SH2D5: variants seen among roughly 807,000 people sequenced by gnomAD.
SH2D5 encodes the protein SH2 domain-containing protein 5.
A neutral mutation model predicts 48.2 loss-of-function variants in SH2D5; 45 were observed. That is an observed-to-expected ratio of 0.93 (90% confidence interval 0.73 to 1.20). SH2D5 has a LOEUF of 1.20. Ranked by LOEUF, SH2D5 falls within the 50% of genes most tolerant of loss-of-function variation. SH2D5 has a pLI of 0.00. For missense variants in SH2D5, 538 were observed against 584.1 expected, an observed-to-expected ratio of 0.92 and a Z score of 0.81; for synonymous variants, 230 against 249.8, an observed-to-expected ratio of 0.92 and a Z score of 0.75.
chr1:20,727,520 C>T lies in SH2D5; in HGVS notation c.168+3G>A. On this transcript the variant is annotated splice_donor_region_variant and intron_variant, in intron 3 of 9. Transcript: ENST00000444387. ...TAGGGAAGTGCCCTCCCAGGCCACCCACCTTCAGCGCCCACAGCTGCTGCT... is the reference window on the plus strand; with the variant it reads ...TAGGGAAGTGCCCTCCCAGGCCACCTACCTTCAGCGCCCACAGCTGCTGCT... 6.3e-7 allele frequency: 1 copy of T among 1,598,768 alleles called. No homozygotes were observed. Among genetic ancestry groups the T allele is most frequent in the Non-Finnish European group, 8.5e-7 (1 of 1,173,618 alleles).
Position 20,724,112 on chromosome 1 carries a change from G to T in SH2D5, c.770C>A (p.Thr257Asn). The T allele has an allele frequency of 6.2e-7, 1 of 1,612,480 alleles. No homozygotes were observed. Among genetic ancestry groups the T allele is most frequent in the Admixed American group, 1.7e-5 (1 of 60,022 alleles). Reference sequence around the variant, plus strand: ...CTCCCGAGCCGACAGCTGCAGCTGGGTCTCATAGGTGCAGCCGCGGTAGGC... The same window carrying T: ...CTCCCGAGCCGACAGCTGCAGCTGGTTCTCATAGGTGCAGCCGCGGTAGGC... Reference protein sequence around the residue: ...SGAYRGCTYETQLQLSAREAF... With the variant: ...SGAYRGCTYENQLQLSAREAF... The change falls in exon 7 of 10, where the codon ACC becomes AAC. Residue 257 changes from threonine (T) to asparagine (N), a missense_variant. Physicochemically the swap from Thr to Asn is moderately conservative, Grantham distance 65 (BLOSUM62 0). Coordinates refer to ENST00000444387, the MANE Select transcript of SH2D5 (RefSeq NM_001103161.2).
rs2054888683 is a variant in SH2D5 at position 20,730,529 on chromosome 1, G to A, written c.-43+1652C>T. On this transcript the variant is annotated intron_variant, in intron 1 of 9. Transcript: ENST00000444387. ...GGCCCCAGCCCACCTACCATCACCTGATCCTTTCCCCATCTCCCTGGTCCT... is the reference window on the plus strand; with the variant it reads ...GGCCCCAGCCCACCTACCATCACCTAATCCTTTCCCCATCTCCCTGGTCCT... 1.3e-5 allele frequency among the ~76,000 whole-genome samples: 2 copies of A among 152,182 alleles called. 1 individual carries two copies. The highest frequency in any genetic ancestry group is 4.1e-4 in the South Asian group (2 of 4,834).
chr1:20,722,091 A>G, intron 9 of SH2D5, 96 bp from the exon 10 acceptor site: 1 of 1,211,426 alleles, frequency 8.3e-7, no homozygotes, highest in South Asian at 1.5e-5. Flanking sequence ...CATTTTGGAG[A>G]GCAGGGAACG....
intron 9 of SH2D5, among the ~76,000 whole-genome samples, chr1:20,722,479 C>T (rs924449163): frequency 6.6e-6 from 1 of 152,218 alleles, no homozygotes; most frequent in African/African-American, 2.4e-5. Flanking sequence ...CCCTTCCCCT[C>T]CAAGAGCCTT....
chr1:20,723,714 A>T lies in SH2D5; in HGVS notation c.820T>A (p.Trp274Arg), dbSNP rs1453406892. ...REAFPAAWEA[W>R]PRGPGGHSCL... ...GAGTGGCCACCAGGACCCCGGGGCCATGCCTCCCATGCGGCAGGAACTGTG... is the reference window on the plus strand; with the variant it reads ...GAGTGGCCACCAGGACCCCGGGGCCTTGCCTCCCATGCGGCAGGAACTGTG... The change falls in exon 8 of 10, where the codon TGG (tryptophan) becomes AGG (arginine). Residue 274 changes from tryptophan (W) to arginine (R), a missense_variant. By Grantham distance (101) the Trp-to-Arg change is moderately radical. Coordinates refer to ENST00000444387, the MANE Select transcript of SH2D5 (RefSeq NM_001103161.2). 1 of 1,612,882 alleles carries T rather than the reference A, an allele frequency of 6.2e-7. No individual in the cohort carries two copies.
Position 20,724,208 on chromosome 1 carries a change from AGGCGGGCAT to A in SH2D5, c.665_673del (p.His222_Arg224del). On this transcript the variant is annotated inframe_deletion, in exon 7 of 10. Coordinates refer to ENST00000444387, the MANE Select transcript of SH2D5 (RefSeq NM_001103161.2). ...CGTGGGCGAGCAGTAGGGATTCCCC[AGGCGGGCAT>A]GGCGGGCACGGCCTTCCGACTCTGG... 1 of 1,612,890 alleles carries A rather than the reference AGGCGGGCAT, an allele frequency of 6.2e-7. No homozygotes were observed.
In SH2D5 at chr1:20,724,099, C is replaced by G; in HGVS notation, c.783G>C (p.Leu261=). 6.2e-7 allele frequency: 1 copy of G among 1,611,398 alleles called. No homozygotes were observed. The highest frequency in any genetic ancestry group is 8.5e-7 in the Non-Finnish European group (1 of 1,178,800). Residue 261 remains leucine (L), a synonymous_variant, in exon 7 of 10, where the codon CTG becomes CTC. Coordinates refer to ENST00000444387, the MANE Select transcript of SH2D5 (RefSeq NM_001103161.2). ...RGCTYETQLQ[L]SAREAFPAAW... ...ACAACTCACAGGCCTCCCGAGCCGA[C>G]AGCTGCAGCTGGGTCTCATAGGTGC...
At position 20,728,196 on chromosome 1, in the gene SH2D5, C is replaced by T. The variant is rs989368249; in HGVS notation, c.-42-110G>A. The T allele has an allele frequency of 8.4e-5, 52 of 617,264 alleles. No individual in the cohort carries two copies. The highest frequency in any genetic ancestry group is 3.3e-4 in the East Asian group (12 of 36,244). 38.2% of individuals were successfully genotyped at this position (617,264 alleles called of 1,614,324 possible). A position where few individuals can be genotyped will look rare whatever the true frequency, so the allele number is the denominator to read the frequency against. On this transcript the variant is annotated intron_variant, in intron 1 of 9. Coordinates refer to ENST00000444387, the MANE Select transcript of SH2D5 (RefSeq NM_001103161.2). This position sits in a 1 kb window ranked among gnomAD's most constrained non-coding sequence, Gnocchi z 4.3. ...CTGAGCAGCTGCTATGTGTGCAGCA[C>T]GGCTGCGCAATGTCCCGGGCCCTGG...
intron 8 of SH2D5, among the ~76,000 whole-genome samples, chr1:20,723,335 T>C (rs2054726437): frequency 6.6e-6 from 1 of 152,226 alleles, no homozygotes; most frequent in Non-Finnish European, 1.5e-5. Context: ...GAGAGAGGCT[T>C]AAAGAGCTGA....
rs1456519462 is a variant in SH2D5, at chr1:20,721,024, AG to A, written c.*767del. ...GGTGCCCTGGTGATTCCTAGGGGGA[AG>A]GGGTGAGCCTGCGCATCCCTTCTGA... On this transcript the variant is annotated 3_prime_UTR_variant, in exon 10 of 10. Transcript: ENST00000444387. 6.6e-6 allele frequency: 1 copy of A among 152,446 alleles called. No homozygotes were observed. Among genetic ancestry groups the A allele is most frequent in the Non-Finnish European group, 1.5e-5 (1 of 68,150 alleles). 9.4% of individuals were successfully genotyped at this position (152,446 alleles called of 1,614,324 possible). A position where few individuals can be genotyped will look rare whatever the true frequency, so the allele number is the denominator to read the frequency against.
chr1:20,730,190 G>C (rs540326434), intron 1 of SH2D5, among the ~76,000 whole-genome samples: 4 of 152,192 alleles, frequency 2.6e-5, no homozygotes, highest in African/African-American at 9.6e-5. Flanking sequence ...AGGTACGGAC[G>C]ATGGAGGGGT....
chr1:20,728,366 C>CA lies in SH2D5; in HGVS notation c.-42-281_-42-280insT, dbSNP rs1466140060. Reference sequence around the variant, plus strand: ...ATGGAGCAGGGAGGAGAATGGGAAACGTCAGCTTAAGGGCTGACTGTTGCT... The same window carrying CA: ...ATGGAGCAGGGAGGAGAATGGGAAACAGTCAGCTTAAGGGCTGACTGTTGCT... On this transcript the variant is annotated intron_variant, in intron 1 of 9. Coordinates refer to ENST00000444387, the MANE Select transcript of SH2D5 (RefSeq NM_001103161.2). The surrounding 1 kb of genome is among the most constrained non-coding windows in gnomAD (Gnocchi z 4.3). 1.3e-5 allele frequency among the ~76,000 whole-genome samples: 2 copies of CA among 152,120 alleles called. No homozygotes were observed. The highest frequency in any genetic ancestry group is 4.8e-5 in the African/African-American group (2 of 41,426).
intron 7 of SH2D5, 63 bp downstream of exon 7, chr1:20,724,020 G>A (rs2054742299): frequency 6.4e-7 from 1 of 1,570,270 alleles, no homozygotes; most frequent in African/African-American, 1.3e-5. Flanking sequence ...CCTCTGGCTG[G>A]TCCAGGAGCG....
chr1:20,727,205 C>G lies in SH2D5; in HGVS notation c.169-130G>C, dbSNP rs2054818474. Reference sequence around the variant, plus strand: ...CCCCTGGCAGGGGGTGGGGCCCTGGCTGGTGGACCCCCCTGGCGCTGGGGA... The same window carrying G: ...CCCCTGGCAGGGGGTGGGGCCCTGGGTGGTGGACCCCCCTGGCGCTGGGGA... On this transcript the variant is annotated intron_variant, in intron 3 of 9. Coordinates refer to ENST00000444387, the MANE Select transcript of SH2D5 (RefSeq NM_001103161.2). The G allele has an allele frequency of 1.0e-5, 8 of 764,028 alleles. No homozygotes were observed. The East Asian group carries it at 2.2e-4, about 21-fold the overall frequency. The allele number at this position is 764,028 out of a possible 1,614,324, so 47.3% of individuals were successfully genotyped here.
intron 7 of SH2D5, 57 bp from the exon 8 acceptor site, chr1:20,723,791 G>T: frequency 7.1e-7 from 1 of 1,405,260 alleles, no homozygotes. Flanking sequence ...CATTCCCTGC[G>T]GCCGCAGGCC....
At position 20,729,714 on chromosome 1, in the gene SH2D5, C is replaced by G. The variant is rs980822699; in HGVS notation, c.-42-1628G>C. 5.9e-5 allele frequency among the ~76,000 whole-genome samples: 9 copies of G among 152,172 alleles called. No individual in the cohort carries two copies. Among genetic ancestry groups the G allele is most frequent in the African/African-American group, 2.2e-4 (9 of 41,450 alleles). On this transcript the variant is annotated intron_variant, in intron 1 of 9. Coordinates refer to ENST00000444387, the MANE Select transcript of SH2D5 (RefSeq NM_001103161.2). The surrounding 1 kb of genome is among the most constrained non-coding windows in gnomAD (Gnocchi z 4.2). ...GGAGGAGGGCTGGGGTGCTTTGGAA[C>G]TGACTCTGTTAGCACCAAGAGCCCG...
At chr1:20,723,073 T>A (rs1281786745) in intron 8 of SH2D5, among the ~76,000 whole-genome samples, 158 bp from the exon 9 acceptor site, 1 of 152,160 alleles carries the variant, frequency 6.6e-6, no homozygotes, top group African/African-American at 2.4e-5. Flanking sequence ...CCCAGCACTT[T>A]GGGAGGCCCA....
In SH2D5 at chr1:20,727,449, G is replaced by A. The variant is rs2054822812; in HGVS notation, c.168+74C>T. On this transcript the variant is annotated intron_variant, in intron 3 of 9. Transcript: ENST00000444387. The stretch of plus-strand genomic sequence containing the variant: ...CCCCTCTCTAACTGTGGGGAGAGTG[G>A]ATCTGGTCTAGGGGGTTACCTGGTC... The A allele has an allele frequency of 5.2e-6, 7 of 1,357,688 alleles. No individual in the cohort carries two copies. The African/African-American group carries it at 7.2e-5, about 14-fold the overall frequency. The allele number at this position is 1,357,688 out of a possible 1,614,324, so 84.1% of individuals were successfully genotyped here.
rs1464495668 is a variant in SH2D5 at position 20,729,711 on chromosome 1, G to A, written c.-42-1625C>T. Among the ~76,000 whole-genome samples, 2 of 152,160 alleles carry A rather than the reference G, an allele frequency of 1.3e-5. No homozygotes were observed. Among genetic ancestry groups the A allele is most frequent in the Non-Finnish European group, 2.9e-5 (2 of 68,034 alleles). On this transcript the variant is annotated intron_variant, in intron 1 of 9. Transcript: ENST00000444387. The surrounding 1 kb of genome is among the most constrained non-coding windows in gnomAD (Gnocchi z 4.2). The stretch of plus-strand genomic sequence containing the variant: ...CAAGGAGGAGGGCTGGGGTGCTTTG[G>A]AACTGACTCTGTTAGCACCAAGAGC...
Sources: allele counts gnomAD v4.1 joint callset (sites outside exome capture counted in the v4.1 genomes callset), GRCh38; gene constraint gnomAD v4.1.1; non-coding constraint Gnocchi (gnomAD v3.1); transcripts MANE v1.5; gene names NCBI Gene and HGNC (gene_info 2026-07-23, HGNC 2026-07-21).